Variants in PLEKHA5 observed in about 807,000 individuals in gnomAD.
The protein encoded by PLEKHA5 is pleckstrin homology domain-containing family A member 5.
PLEKHA5 carries 55 observed loss-of-function variants against 181.9 expected under a neutral mutation model. The observed-to-expected ratio is 0.30, with a 90% CI of 0.24 to 0.38. The LOEUF (loss-of-function observed/expected upper bound fraction) is 0.38, where lower values mean the gene tolerates loss of function less well. Among genes scored for constraint, PLEKHA5 ranks in the 10% least tolerant of loss-of-function variants. PLEKHA5 has a pLI of 1.00. For missense variants in PLEKHA5, 1,432 were observed against 1,549.5 expected (o/e 0.92, Z 1.27); for synonymous variants, 535 against 529.4 (o/e 1.01, Z -0.15).
intron 3 of PLEKHA5, chr12:19,207,612 T>C (rs1320928598): frequency 2.0e-5 from 3 of 152,168 alleles, no homozygotes; most frequent in Non-Finnish European, 4.4e-5. Flanking sequence ...TGGGGAATAA[T>C]AGACCATAAA....
intron 3 of PLEKHA5, among the ~76,000 whole-genome samples, chr12:19,199,471 G>T (rs529601134): frequency 6.6e-6 from 1 of 152,098 alleles, no homozygotes; most frequent in Non-Finnish European, 1.5e-5. Flanking sequence ...TTTCTAACTT[G>T]TGGTTTATTT....
At chr12:19,208,708 G>T (rs1301594106) in intron 3 of PLEKHA5, among the ~76,000 whole-genome samples, 1 of 152,038 alleles carries the variant, frequency 6.6e-6, no homozygotes, top group Admixed American at 6.6e-5. Context: ...AAAAAGAGAG[G>T]ATACAAATAT....
intron 3 of PLEKHA5, among the ~76,000 whole-genome samples, chr12:19,159,120 T>C (rs1373547374): frequency 6.6e-6 from 1 of 152,164 alleles, no homozygotes; most frequent in Admixed American, 6.5e-5. Flanking sequence ...AAAAAGAGTT[T>C]GTTATTGTTT....
chr12:19,267,381 G>T (rs1461143844), intron 8 of PLEKHA5, among the ~76,000 whole-genome samples: 1 of 152,188 alleles, frequency 6.6e-6, no homozygotes, highest in African/African-American at 2.4e-5. Context: ...GAGCAGGCCG[G>T]GCACAGGGGC....
At chr12:19,261,400 A>C (rs147707729) in intron 7 of PLEKHA5, among the ~76,000 whole-genome samples, 602 of 152,326 alleles carry the variant, frequency 4.0e-3, no homozygotes, top group African/African-American at 0.014. Flanking sequence ...ATGATATTAG[A>C]ATATTAAGGA....
chr12:19,166,835 AAT>A (rs1482916176), intron 3 of PLEKHA5, among the ~76,000 whole-genome samples: 1 of 152,210 alleles, frequency 6.6e-6, no homozygotes, highest in Non-Finnish European at 1.5e-5. Flanking sequence ...TTGATTTGTC[AAT>A]CTTTGTGACT....
At chr12:19,346,265 A>T (rs1316140292) in intron 23 of PLEKHA5, among the ~76,000 whole-genome samples, 1 of 152,208 alleles carries the variant, frequency 6.6e-6, no homozygotes, top group Non-Finnish European at 1.5e-5. Context: ...CTACAAAGAG[A>T]TACTGTCAAC....
chr12:19,176,826 G>A (rs191040466), intron 3 of PLEKHA5, among the ~76,000 whole-genome samples: 204 of 152,028 alleles, frequency 1.3e-3, no homozygotes, highest in African/African-American at 4.7e-3. Flanking sequence ...CTGTGGAATG[G>A]CCAGATCAAT....
chr12:19,250,269 A>G (rs1193752500), intron 3 of PLEKHA5, among the ~76,000 whole-genome samples: 1 of 152,188 alleles, frequency 6.6e-6, no homozygotes, highest in African/African-American at 2.4e-5. Context: ...TTGTTCTGTG[A>G]CCATAGGTAT....
intron 20 of PLEKHA5, 90 bp downstream of exon 20, chr12:19,322,757 G>A: frequency 1.3e-6 from 1 of 790,550 alleles, no homozygotes; most frequent in South Asian, 1.9e-5. Context: ...GCTCTCTTTA[G>A]GATTCTTCTA....
At position 19,369,737 on chromosome 12, in the gene PLEKHA5, C is replaced by G; in HGVS notation, c.3799C>G (p.Pro1267Ala). Residue 1267 changes from proline to alanine, a missense_variant, in exon 31 of 32, where the codon CCA (proline) becomes GCA (alanine). This residue lies in a region of PLEKHA5 where 1,143 missense variants were observed against 1,168.4 expected (regional missense o/e 0.98). Transcript: ENST00000429027. ...TCCTGAGTCCTCGGCATCGCCAGTT[C>G]CATCCACTCAGCCGCAGCTCACAGA... Reference protein sequence around the residue: ...PSPESSASPVPSTQPQLTEGS... With the variant: ...PSPESSASPVASTQPQLTEGS... 6.2e-7 allele frequency: 1 copy of G among 1,612,782 alleles called. No homozygotes were observed. Among genetic ancestry groups the G allele is most frequent in the Non-Finnish European group, 8.5e-7 (1 of 1,179,354 alleles).
intron 27 of PLEKHA5, 86 bp downstream of exon 27, chr12:19,358,523 A>T (rs1014717003): frequency 1.4e-5 from 11 of 808,612 alleles, no homozygotes; most frequent in Non-Finnish European, 2.3e-5. Flanking sequence ...GATAGGTCTT[A>T]AAAGGTCTGC....
Position 19,284,736 on chromosome 12 carries a change from C to T in PLEKHA5, c.1779+991C>T, listed in dbSNP as rs186707343. Among the ~76,000 whole-genome samples the T allele has an allele frequency of 2.7e-3, 418 of 152,254 alleles. 2 individuals carry two copies. Among genetic ancestry groups the T allele is most frequent in the Non-Finnish European group, 4.5e-3 (308 of 68,020 alleles). On this transcript the variant is annotated intron_variant, in intron 12 of 31. Coordinates refer to ENST00000429027, the MANE Select transcript of PLEKHA5 (RefSeq NM_001256470.2). Reference sequence around the variant, plus strand: ...TTAGTCAGCTAGTACACAACCAGTTCCCTAATGTCTATCCTAAAGTGCTTT... The same window carrying T: ...TTAGTCAGCTAGTACACAACCAGTTTCCTAATGTCTATCCTAAAGTGCTTT...
intron 3 of PLEKHA5, chr12:19,201,509 A>T (rs530976676): frequency 1.3e-5 from 2 of 152,148 alleles, no homozygotes; most frequent in Non-Finnish European, 2.9e-5. Context: ...ACGTGTGCAC[A>T]CAAAGATCTG....
intron 3 of PLEKHA5, among the ~76,000 whole-genome samples, chr12:19,176,751 A>T (rs1440903938): frequency 6.6e-6 from 1 of 152,056 alleles, no homozygotes; most frequent in Non-Finnish European, 1.5e-5. Context: ...AACTTTCTGT[A>T]TTTACTTAAA....
At position 19,280,756 on chromosome 12, in the gene PLEKHA5, A is replaced by T. The variant is rs2075910607; in HGVS notation, c.1314-2524A>T. Among the ~76,000 whole-genome samples the T allele has an allele frequency of 2.7e-5, 4 of 150,436 alleles. No individual in the cohort carries two copies. The South Asian group carries it at 8.4e-4, about 32-fold the overall frequency. On this transcript the variant is annotated intron_variant, in intron 11 of 31. Coordinates refer to ENST00000429027, the MANE Select transcript of PLEKHA5 (RefSeq NM_001256470.2). ...TTTTCTTTTTTTTTTTTTGAGACAGAGTGTCTGTCACCAGCACGATTTCAG... is the reference window on the plus strand; with the variant it reads ...TTTTCTTTTTTTTTTTTTGAGACAGTGTGTCTGTCACCAGCACGATTTCAG...
chr12:19,240,432 A>G (rs1408483301), intron 3 of PLEKHA5, among the ~76,000 whole-genome samples: 2 of 146,828 alleles, frequency 1.4e-5, no homozygotes, highest in African/African-American at 5.0e-5. Context: ...ATTAGCATTC[A>G]TTAGGGAGTT....
At chr12:19,133,421 T>C (rs1474025785) in intron 3 of PLEKHA5, among the ~76,000 whole-genome samples, 2 of 150,756 alleles carry the variant, frequency 1.3e-5, no homozygotes, top group African/African-American at 4.8e-5. Context: ...CCTTATTTGT[T>C]CTTTAATTTT....
At chr12:19,373,919 T>C (rs77446069) in intron 31 of PLEKHA5, among the ~76,000 whole-genome samples, 16,965 of 144,038 alleles carry the variant, frequency 0.12, 927 homozygotes, top group South Asian at 0.19. Flanking sequence ...GTTCCTTAAA[T>C]TGTTATAGGA....
Sources: allele counts gnomAD v4.1 joint callset (sites outside exome capture counted in the v4.1 genomes callset), GRCh38; gene constraint gnomAD v4.1.1; regional missense constraint gnomAD v4.1.1; transcripts MANE v1.5; gene names NCBI Gene and HGNC (gene_info 2026-07-23, HGNC 2026-07-21).